GRM5: variants seen among roughly 807,000 people sequenced by gnomAD.
GRM5 encodes glutamate metabotropic receptor 5, also known as metabotropic glutamate receptor 5.
A neutral mutation model predicts 83.1 loss-of-function variants in GRM5; 19 were observed. The observed-to-expected ratio is 0.23, with a 90% CI of 0.16 to 0.34. The LOEUF (loss-of-function observed/expected upper bound fraction) is 0.34. GRM5 is among the 10% of genes least tolerant of loss of function. GRM5 has a pLI of 1.00. For synonymous variants in GRM5, 675 were observed against 633.6 expected, an observed-to-expected ratio of 1.07 and a Z score of -0.98; for missense variants, 1,160 against 1,588.3, an observed-to-expected ratio of 0.73 and a Z score of 4.58.
chr11:88,653,715 A>G (rs1363132517), intron 3 of GRM5, among the ~76,000 whole-genome samples: 1 of 152,070 alleles, frequency 6.6e-6, no homozygotes, highest in Non-Finnish European at 1.5e-5. Context: ...AAGCTGCATA[A>G]TATCATCATT....
At chr11:89,037,184 G>C (rs1164328193) in intron 2 of GRM5, among the ~76,000 whole-genome samples, 5 of 151,980 alleles carry the variant, frequency 3.3e-5, no homozygotes, top group African/African-American at 1.2e-4. Flanking sequence ...GTGTGGGGGG[G>C]AGTTAGAAAT....
intron 8 of GRM5, among the ~76,000 whole-genome samples, chr11:88,531,843 C>G (rs1297940006): frequency 2.6e-5 from 4 of 152,092 alleles, no homozygotes; most frequent in African/African-American, 9.7e-5. Flanking sequence ...GCCACTTTCT[C>G]TCTCACACTG....
At chr11:88,536,931 A>G (rs1465984173) in intron 8 of GRM5, among the ~76,000 whole-genome samples, 1 of 152,132 alleles carries the variant, frequency 6.6e-6, no homozygotes, top group Non-Finnish European at 1.5e-5. Context: ...AATTTTCTTA[A>G]CAAACTCAGG....
chr11:88,664,331 C>A (rs200452378), intron 3 of GRM5, among the ~76,000 whole-genome samples: 92 of 69,026 alleles, frequency 1.3e-3, no homozygotes, highest in African/African-American at 3.3e-3. Context: ...TTAAAAAAAA[C>A]TGGAAAAAAA....
intron 3 of GRM5, among the ~76,000 whole-genome samples, chr11:88,666,295 A>G (rs570225451): frequency 6.6e-6 from 1 of 152,330 alleles, no homozygotes; most frequent in South Asian, 2.1e-4. Context: ...CAGGCTAAGA[A>G]GTTCAAGGGC....
intron 7 of GRM5, among the ~76,000 whole-genome samples, 195 bp downstream of exon 7, chr11:88,590,406 T>C (rs913324363): frequency 6.6e-6 from 1 of 152,128 alleles, no homozygotes; most frequent in Non-Finnish European, 1.5e-5. Flanking sequence ...GACAGACATA[T>C]AGGCAGATCT....
At chr11:89,042,889 TG>T (rs1323505943) in intron 2 of GRM5, among the ~76,000 whole-genome samples, 1 of 147,148 alleles carries the variant, frequency 6.8e-6, no homozygotes, top group Non-Finnish European at 1.5e-5. Context: ...TCTTCAATAA[TG>T]TATGCTACCA....
intron 8 of GRM5, among the ~76,000 whole-genome samples, chr11:88,531,774 C>G (rs1942014537): frequency 6.6e-6 from 1 of 152,090 alleles, no homozygotes; most frequent in African/African-American, 2.4e-5. Context: ...TAGGCTTATC[C>G]TGCTCCAGGT....
In GRM5 at chr11:88,932,465, G is replaced by A. The variant is rs571322302; in HGVS notation, c.662-82310C>T. On this transcript the variant is annotated intron_variant, in intron 2 of 9. Transcript: ENST00000305447. Reference sequence around the variant, plus strand: ...AGTGATATGGAAATTTTCATAATATGTGTAAGTGATGCTTAGCCTAGTTCC... The same window carrying A: ...AGTGATATGGAAATTTTCATAATATATGTAAGTGATGCTTAGCCTAGTTCC... 3.9e-5 allele frequency among the ~76,000 whole-genome samples: 6 copies of A among 151,992 alleles called. No homozygotes were observed. The South Asian group carries it at 8.3e-4, about 21-fold the overall frequency.
Position 88,885,450 on chromosome 11 carries a change from G to GTTTTTTTTTTTTTTT in GRM5, c.662-35310_662-35296dup, listed in dbSNP as rs61456975. ...TTCTGAATTCTATAGTAGGTACCAT[G>GTTTTTTTTTTTTTTT]TTTTTTTTTTTTTTTTTTTTTTTTT... On this transcript the variant is annotated intron_variant, in intron 2 of 9. Transcript: ENST00000305447. Among the ~76,000 whole-genome samples the GTTTTTTTTTTTTTTT allele has an allele frequency of 1.8e-4, 11 of 62,664 alleles. 3 individuals are homozygous for GTTTTTTTTTTTTTTT. Among genetic ancestry groups the GTTTTTTTTTTTTTTT allele is most frequent in the African/African-American group, 5.9e-4 (10 of 16,892 alleles). 41.1% of individuals were successfully genotyped at this position (62,664 alleles called of 152,430 possible).
intron 2 of GRM5, among the ~76,000 whole-genome samples, chr11:88,886,396 T>C (rs187794284): frequency 0.019 from 2,882 of 152,270 alleles, 46 homozygotes; most frequent in East Asian, 0.067. Context: ...TCTGAGGCCC[T>C]TGGCTTCCAT....
intron 3 of GRM5, among the ~76,000 whole-genome samples, chr11:88,844,560 A>T (rs1944266159): frequency 6.6e-6 from 1 of 152,122 alleles, no homozygotes; most frequent in South Asian, 2.1e-4. Flanking sequence ...TTTGACTTTC[A>T]TGTCTTATTA....
At chr11:88,522,317 A>C (rs537666006) in intron 9 of GRM5, among the ~76,000 whole-genome samples, 1 of 152,244 alleles carries the variant, frequency 6.6e-6, no homozygotes, top group African/African-American at 2.4e-5. Flanking sequence ...TGGATTAACT[A>C]CTTCAACCCC....
chr11:88,873,126 A>T (rs1023302054), intron 2 of GRM5, among the ~76,000 whole-genome samples: 1 of 151,714 alleles, frequency 6.6e-6, no homozygotes, highest in Non-Finnish European at 1.5e-5. Context: ...AGACACTCAC[A>T]ATGATAAAAG....
chr11:88,879,430 A>C (rs1944913989), intron 2 of GRM5, among the ~76,000 whole-genome samples: 1 of 151,568 alleles, frequency 6.6e-6, no homozygotes, highest in African/African-American at 2.4e-5. Flanking sequence ...TTAGATATTA[A>C]TATTATATTA....
chr11:88,863,257 T>A (rs11021638), intron 2 of GRM5, among the ~76,000 whole-genome samples: 63,550 of 151,890 alleles, frequency 0.42, 13,514 homozygotes, highest in East Asian at 0.57. Flanking sequence ...ATCCCATTAC[T>A]GAGTATATAC....
At chr11:88,596,683 C>T (rs2135218328) in intron 6 of GRM5, among the ~76,000 whole-genome samples, 1 of 152,140 alleles carries the variant, frequency 6.6e-6, no homozygotes, top group East Asian at 1.9e-4. Flanking sequence ...ATCTCTATCC[C>T]TTTTGTACAA....
intron 4 of GRM5, among the ~76,000 whole-genome samples, chr11:88,637,366 C>T (rs1939160388): frequency 6.6e-6 from 1 of 151,342 alleles, no homozygotes; most frequent in African/African-American, 2.4e-5. Flanking sequence ...AGTGAACAGG[C>T]AACCTACAAA....
rs189697839 is a variant in GRM5, at chr11:88,693,343, A to G, written c.912-39940T>C. On this transcript the variant is annotated intron_variant, in intron 3 of 9. Coordinates refer to ENST00000305447, the MANE Select transcript of GRM5 (RefSeq NM_001143831.3). Reference sequence around the variant, plus strand: ...AAAGGCTAGTATGGAAATACAAAGTAGTGAGGAGATAGGAAAGGGAAAGGT... The same window carrying G: ...AAAGGCTAGTATGGAAATACAAAGTGGTGAGGAGATAGGAAAGGGAAAGGT... 3.3e-4 allele frequency among the ~76,000 whole-genome samples: 50 copies of G among 152,298 alleles called. No homozygotes were observed. The East Asian group carries it at 9.6e-3, about 29-fold the overall frequency.
Sources: allele counts gnomAD v4.1 joint callset (sites outside exome capture counted in the v4.1 genomes callset), GRCh38; gene constraint gnomAD v4.1.1; transcripts MANE v1.5; gene names NCBI Gene and HGNC (gene_info 2026-07-23, HGNC 2026-07-21).